LIPI: variants seen among roughly 807,000 people sequenced by gnomAD.
The protein encoded by LIPI is lipase member I.
A neutral mutation model predicts 50.6 loss-of-function variants in LIPI; 59 were observed. The ratio of observed to expected loss-of-function variants is 1.16; its 90% CI spans 0.94 to 1.45. LIPI has a LOEUF of 1.45. LIPI is among the 40% of genes most tolerant of loss of function. LIPI has a pLI of 0.00. For missense variants in LIPI, 586 were observed against 536.3 expected (o/e 1.09, Z -0.92); for synonymous variants, 203 against 178.2 (o/e 1.14, Z -1.11).
At position 14,152,606 on chromosome 21, in the gene LIPI, T is replaced by C; in HGVS notation, c.1085A>G (p.Gln362Arg). 1 of 1,588,026 alleles carries C rather than the reference T, an allele frequency of 6.3e-7. No homozygotes were observed. ...DGSFSFKLLN[Q>R]LGMIEEPRLY... is the part of the protein sequence containing the mutation. ...CCTTGGCTCTTCAATCATTCCAAGC[T>C]GATTTAATAATTTAAATGAAAACGA... The change falls in exon 8 of 10, where the codon CAG becomes CGG. Residue 362 changes from glutamine (Q) to arginine (R), a missense_variant. Physicochemically the swap from Gln to Arg is conservative, Grantham distance 43. Transcript: ENST00000681601.
intron 9 of LIPI, among the ~76,000 whole-genome samples, chr21:14,122,265 G>T (rs888373059): frequency 6.6e-6 from 1 of 152,100 alleles, no homozygotes; most frequent in African/African-American, 2.4e-5. Flanking sequence ...ATCCCCTGGG[G>T]ACATGTGTTT....
At chr21:14,157,841 T>C (rs1335280609) in intron 7 of LIPI, among the ~76,000 whole-genome samples, 1 of 151,860 alleles carries the variant, frequency 6.6e-6, no homozygotes, top group African/African-American at 2.4e-5. Context: ...GACTCTATTT[T>C]TCTTCTACTT....
intron 5 of LIPI, among the ~76,000 whole-genome samples, chr21:14,165,732 C>T (rs1296055775): frequency 6.6e-6 from 1 of 152,176 alleles, no homozygotes; most frequent in Non-Finnish European, 1.5e-5. Context: ...AACATTTCCA[C>T]CTAATGACAA....
intron 9 of LIPI, among the ~76,000 whole-genome samples, chr21:14,141,702 C>T (rs2017715607): frequency 1.3e-5 from 2 of 152,152 alleles, no homozygotes; most frequent in South Asian, 4.1e-4. Context: ...CTGGCATTTG[C>T]CCATGTACAC....
chr21:14,187,156 G>C (rs2019484221), intron 2 of LIPI, among the ~76,000 whole-genome samples: 1 of 152,104 alleles, frequency 6.6e-6, no homozygotes. Flanking sequence ...ACCAGCTCAG[G>C]AGTGATGCAT....
chr21:14,129,138 T>C (rs2017183941), intron 9 of LIPI, among the ~76,000 whole-genome samples: 1 of 152,068 alleles, frequency 6.6e-6, no homozygotes, highest in Non-Finnish European at 1.5e-5. Flanking sequence ...GCCTGTTCAT[T>C]GAGCTGTGTA....
At chr21:14,145,769 T>C in intron 8 of LIPI, among the ~76,000 whole-genome samples, 1 of 152,116 alleles carries the variant, frequency 6.6e-6, no homozygotes, top group East Asian at 1.9e-4. Flanking sequence ...AACAACAACT[T>C]GGTTAATCAA....
chr21:14,145,034 G>A (rs1315744669), intron 8 of LIPI, among the ~76,000 whole-genome samples: 1 of 152,048 alleles, frequency 6.6e-6, no homozygotes, highest in East Asian at 1.9e-4. Context: ...TTTTGAAAAT[G>A]CTTCTTTTGG....
At chr21:14,129,120 C>T (rs1341675643) in intron 9 of LIPI, among the ~76,000 whole-genome samples, 6 of 151,902 alleles carry the variant, frequency 3.9e-5, no homozygotes, top group Admixed American at 2.0e-4. Flanking sequence ...ATAATTATGA[C>T]GTGGTCAGCC....
chr21:14,138,201 T>C (rs186942062), intron 9 of LIPI, among the ~76,000 whole-genome samples: 1 of 151,236 alleles, frequency 6.6e-6, no homozygotes, highest in Non-Finnish European at 1.5e-5. Context: ...TAAACATAGA[T>C]AAAAAATAAA....
intron 1 of LIPI, among the ~76,000 whole-genome samples, chr21:14,204,017 C>A: frequency 6.6e-6 from 1 of 151,512 alleles, no homozygotes; most frequent in African/African-American, 2.4e-5. Flanking sequence ...GTTCTCACTT[C>A]TAAGTGGGAG....
At chr21:14,166,275 G>A (rs1338972778) in intron 5 of LIPI, 87 bp downstream of exon 5, 3 of 820,254 alleles carry the variant, frequency 3.7e-6, no homozygotes, top group Non-Finnish European at 6.4e-6. Flanking sequence ...TCAAAACACT[G>A]CCTACAGATT....
intron 4 of LIPI, among the ~76,000 whole-genome samples, chr21:14,166,656 A>G (rs1263079919): frequency 6.6e-6 from 1 of 152,250 alleles, no homozygotes; most frequent in African/African-American, 2.4e-5. Flanking sequence ...TTTGCCAGTC[A>G]GCAGTTTACT....
chr21:14,200,652 G>A (rs2123330590), intron 1 of LIPI, among the ~76,000 whole-genome samples: 1 of 152,058 alleles, frequency 6.6e-6, no homozygotes, highest in Non-Finnish European at 1.5e-5. Flanking sequence ...CTCATGGATA[G>A]AAAGAATCAG....
intron 1 of LIPI, among the ~76,000 whole-genome samples, chr21:14,191,988 A>G (rs1008412882): frequency 4.6e-5 from 7 of 152,206 alleles, no homozygotes; most frequent in Non-Finnish European, 1.0e-4. Flanking sequence ...ACCAAGAAAA[A>G]CAGTGTTACC....
At chr21:14,136,124 C>A in intron 9 of LIPI, among the ~76,000 whole-genome samples, 1 of 152,160 alleles carries the variant, frequency 6.6e-6, no homozygotes, top group East Asian at 1.9e-4. Flanking sequence ...GCATTCATCA[C>A]CTGCTAACTG....
At chr21:14,114,012 C>T (rs573962209) in intron 9 of LIPI, among the ~76,000 whole-genome samples, 182 of 151,950 alleles carry the variant, frequency 1.2e-3, no homozygotes, top group Non-Finnish European at 2.1e-3. Context: ...ATGGTGAAAC[C>T]CTGTCTCTAC....
intron 1 of LIPI, among the ~76,000 whole-genome samples, chr21:14,199,970 T>C (rs532254812): frequency 3.9e-5 from 6 of 152,238 alleles, no homozygotes; most frequent in African/African-American, 1.2e-4. Context: ...ATAAATGTGA[T>C]TCATCACATA....
At chr21:14,135,827 G>A (rs1231939497) in intron 9 of LIPI, among the ~76,000 whole-genome samples, 1 of 152,132 alleles carries the variant, frequency 6.6e-6, no homozygotes, top group Non-Finnish European at 1.5e-5. Flanking sequence ...ATCAGTTAGG[G>A]AAGTTAAGGG....
Sources: allele counts gnomAD v4.1 joint callset (sites outside exome capture counted in the v4.1 genomes callset), GRCh38; gene constraint gnomAD v4.1.1; transcripts MANE v1.5; gene names NCBI Gene and HGNC (gene_info 2026-07-23, HGNC 2026-07-21).